The following DENND5B variants were observed in gnomAD, a reference collection of about 807,000 sequenced individuals.
DENND5B encodes DENN domain-containing protein 5B.
DENND5B carries 34 observed loss-of-function variants against 140.6 expected under a neutral mutation model. That is an observed-to-expected ratio of 0.24 (90% CI 0.18 to 0.32). The LOEUF is 0.32. DENND5B is among the 10% of genes least tolerant of loss of function. DENND5B has a pLI of 1.00. For synonymous variants in DENND5B, 551 were observed against 562.1 expected (o/e 0.98, Z 0.28); for missense variants, 1,142 against 1,560.2 (o/e 0.73, Z 4.52).
At chr12:31,451,791 G>T in intron 5 of DENND5B, 149 bp downstream of exon 5, 1 of 911,942 alleles carries the variant, frequency 1.1e-6, no homozygotes. Context: ...TAATGGGGCT[G>T]GAAGACAAAA....
chr12:31,541,819 T>C (rs1948688089), intron 1 of DENND5B, among the ~76,000 whole-genome samples: 1 of 152,160 alleles, frequency 6.6e-6, no homozygotes, highest in South Asian at 2.1e-4. Context: ...AACAGATGAA[T>C]GGATAAAGAA....
At chr12:31,405,162 C>CA (rs147942018) in intron 14 of DENND5B, among the ~76,000 whole-genome samples, 2,545 of 152,178 alleles carry the variant, frequency 0.017, 74 homozygotes, top group African/African-American at 0.058. Context: ...CTTGGCCTCT[C>CA]AAAGTGCTGG....
intron 3 of DENND5B, among the ~76,000 whole-genome samples, chr12:31,471,555 G>C (rs571166738): frequency 6.6e-6 from 1 of 150,684 alleles, no homozygotes; most frequent in East Asian, 1.9e-4. Context: ...CCACAAGGGA[G>C]GTAGAGATGG....
intron 1 of DENND5B, among the ~76,000 whole-genome samples, chr12:31,530,276 C>T (rs984669469): frequency 1.3e-5 from 2 of 151,908 alleles, no homozygotes; most frequent in African/African-American, 4.8e-5. Context: ...GGGAGGCTGA[C>T]GCAGGAGAAT....
chr12:31,499,741 T>C lies in DENND5B; in HGVS notation c.128-3822A>G, dbSNP rs905847177. ...AACAAACAAAAAGCAAAAATGACTT[T>C]GAAGAATGGAAAATGAGAATAATTA... On this transcript the variant is annotated intron_variant, in intron 1 of 20. Coordinates refer to ENST00000389082, the MANE Select transcript of DENND5B (RefSeq NM_144973.4). 10 of 1,258,006 alleles carry C rather than the reference T, an allele frequency of 7.9e-6. No individual in the cohort carries two copies. The African/African-American group carries it at 1.5e-4, about 19-fold the overall frequency. 77.9% of individuals were successfully genotyped at this position (1,258,006 alleles called of 1,614,324 possible). A position where few individuals can be genotyped will look rare whatever the true frequency, so the allele number is the denominator to read the frequency against.
chr12:31,545,801 A>C (rs948298013), intron 1 of DENND5B, among the ~76,000 whole-genome samples: 4 of 151,904 alleles, frequency 2.6e-5, no homozygotes, highest in South Asian at 2.1e-4. Flanking sequence ...AAACAAAATA[A>C]AACAAACATT....
Position 31,460,313 on chromosome 12 carries a change from C to T in DENND5B, c.973G>A (p.Val325Ile). The part of the protein sequence containing the change: ...TLLFPFQWQH[V>I]YVPILPASLL... ...GAAGCAGGTAGAATGGGCACATAAA[C>T]ATGTTGCCATTGAAATGGGAACAAA... is the stretch of plus-strand genomic sequence containing the variant. The change falls in exon 4 of 21, where the codon GTT becomes ATT. Residue 325 changes from valine (V) to isoleucine (I), a missense_variant. Coordinates refer to ENST00000389082, the MANE Select transcript of DENND5B (RefSeq NM_144973.4). 1 of 1,613,944 alleles carries T rather than the reference C, an allele frequency of 6.2e-7. No homozygotes were observed. The highest frequency in any genetic ancestry group is 8.5e-7 in the Non-Finnish European group (1 of 1,179,886).
At chr12:31,414,755 C>G (rs1942633529) in intron 12 of DENND5B, among the ~76,000 whole-genome samples, 1 of 152,034 alleles carries the variant, frequency 6.6e-6, no homozygotes, top group African/African-American at 2.4e-5. Context: ...TGGTAAAACC[C>G]TGTCGCTACT....
At chr12:31,426,109 G>A (rs1943219692) in intron 9 of DENND5B, among the ~76,000 whole-genome samples, 184 bp downstream of exon 9, 1 of 152,218 alleles carries the variant, frequency 6.6e-6, no homozygotes, top group South Asian at 2.1e-4. Flanking sequence ...CATTGATTCT[G>A]TGGGGAATGA....
Position 31,398,296 on chromosome 12 carries a change from T to G in DENND5B, c.3135A>C (p.Gly1045=), listed in dbSNP as rs1941594801. Residue 1045 remains glycine (G), a synonymous_variant, in exon 17 of 21, where the codon GGA becomes GGC. Transcript: ENST00000389082. The part of the protein sequence containing the change: ...DDGSLERILI[G]ELMTSASDED... ...CATCTGATGCTGATGTCATCAACTC[T>G]CCAATAAGAATTCTCTCCAGGCTCC... is the stretch of plus-strand genomic sequence containing the variant. 6.4e-7 allele frequency: 1 copy of G among 1,558,738 alleles called. No individual in the cohort carries two copies. The highest frequency in any genetic ancestry group is 8.7e-7 in the Non-Finnish European group (1 of 1,150,676).
Position 31,579,162 on chromosome 12 carries a change from T to C in DENND5B, c.127+11544A>G, listed in dbSNP as rs187762934. 6.2e-4 allele frequency among the ~76,000 whole-genome samples: 95 copies of C among 152,258 alleles called. No individual in the cohort carries two copies. The South Asian group carries it at 9.8e-3, about 16-fold the overall frequency. On this transcript the variant is annotated intron_variant, in intron 1 of 20. Coordinates refer to ENST00000389082, the MANE Select transcript of DENND5B (RefSeq NM_144973.4). ...CCCAAGAAACCCATGTTAGTAAAAA[T>C]AGTTACAAGAGTTAATTTCAAATAA...
intron 1 of DENND5B, chr12:31,590,179 C>T (rs1565726649): frequency 1.3e-5 from 2 of 152,296 alleles, no homozygotes; most frequent in Admixed American, 6.5e-5. Context: ...CGACCGGTCC[C>T]CGCCCCGCGC....
At chr12:31,509,675 C>CAAGGATTACAAAATAATCCTTGCTCTT (rs1384055851) in intron 1 of DENND5B, among the ~76,000 whole-genome samples, 5 of 151,958 alleles carry the variant, frequency 3.3e-5, no homozygotes, top group African/African-American at 1.2e-4. Context: ...CTTGCTCTCA[C>CAAGGATTACAAAATAATCCTTGCTCTT]AGTTTACATT....
intron 11 of DENND5B, among the ~76,000 whole-genome samples, chr12:31,419,546 G>GAC (rs60823351): frequency 3.3e-5 from 5 of 151,852 alleles, no homozygotes; most frequent in African/African-American, 1.2e-4. Context: ...CGTTTGTAGA[G>GAC]GGCAGGGACT....
chr12:31,402,919 A>C (rs1593068764), intron 14 of DENND5B, among the ~76,000 whole-genome samples: 1 of 152,194 alleles, frequency 6.6e-6, no homozygotes, highest in African/African-American at 2.4e-5. Flanking sequence ...ACGTATGAAC[A>C]ATCTCAAGCA....
At chr12:31,459,753 A>G (rs1417145866) in intron 4 of DENND5B, among the ~76,000 whole-genome samples, 1 of 152,228 alleles carries the variant, frequency 6.6e-6, no homozygotes, top group African/African-American at 2.4e-5. Context: ...GAAGTGTTTG[A>G]TATTTCCATT....
chr12:31,399,678 T>C lies in DENND5B; in HGVS notation c.3044A>G (p.Asn1015Ser). The part of the protein sequence containing the change: ...KWLVDCVMVR[N>S]EITGHTYRFP... ...CCTGTATGTATGTCCTGTGATTTCA[T>C]TTCTGACCATGACACAATCCACTAG... is the stretch of plus-strand genomic sequence containing the variant. Residue 1015 changes from asparagine to serine, a missense_variant, in exon 16 of 21, where the codon AAT (asparagine) becomes AGT (serine). By Grantham distance (46) the Asn-to-Ser change is conservative. This residue lies in a region of DENND5B where 268 missense variants were observed against 349.2 expected (regional missense o/e 0.77). Transcript: ENST00000389082. The C allele has an allele frequency of 2.5e-6, 4 of 1,613,864 alleles. No individual in the cohort carries two copies. Among genetic ancestry groups the C allele is most frequent in the South Asian group, 1.1e-5 (1 of 91,034 alleles).
chr12:31,480,356 G>A (rs1203447427), intron 2 of DENND5B, 101 bp from the exon 3 acceptor site: 4 of 1,154,164 alleles, frequency 3.5e-6, no homozygotes, highest in Non-Finnish European at 3.5e-6. Flanking sequence ...CAAAAAGACA[G>A]GTTTTATCCA....
chr12:31,451,877 A>G, intron 5 of DENND5B, 63 bp downstream of exon 5: 1 of 1,545,094 alleles, frequency 6.5e-7, no homozygotes, highest in East Asian at 2.4e-5. Context: ...AAAAATTTAA[A>G]AATGTTAAAA....
Sources: allele counts gnomAD v4.1 joint callset (sites outside exome capture counted in the v4.1 genomes callset), GRCh38; gene constraint gnomAD v4.1.1; regional missense constraint gnomAD v4.1.1; transcripts MANE v1.5; gene names NCBI Gene and HGNC (gene_info 2026-07-23, HGNC 2026-07-21).